Variants in PTPRZ1 observed in about 807,000 individuals in gnomAD.
PTPRZ1 encodes receptor-type tyrosine-protein phosphatase zeta.
Under a neutral mutation model 214.1 loss-of-function variants are expected in PTPRZ1, and 82 were observed. The observed-to-expected ratio is 0.38, with a 90% CI of 0.32 to 0.46. PTPRZ1 has a LOEUF of 0.46. Ranked by LOEUF, PTPRZ1 falls within the 20% of genes least tolerant of loss-of-function variation. PTPRZ1 has a pLI of 1.00. For synonymous variants in PTPRZ1, 945 were observed against 987.9 expected, an observed-to-expected ratio of 0.96 and a Z score of 0.81; for missense variants, 2,603 against 2,748.7, an observed-to-expected ratio of 0.95 and a Z score of 1.19.
intron 1 of PTPRZ1, chr7:121,908,510 T>C (rs1391844955): frequency 2.8e-6 from 1 of 358,792 alleles, no homozygotes; most frequent in Non-Finnish European, 5.3e-6. Flanking sequence ...GTTTTTTACC[T>C]AGCCTTTCTA....
At chr7:121,978,207 G>A (rs549092523) in intron 6 of PTPRZ1, among the ~76,000 whole-genome samples, 1 of 152,252 alleles carries the variant, frequency 6.6e-6, no homozygotes, top group African/African-American at 2.4e-5. Flanking sequence ...CTGAGAATAT[G>A]GATTCCCTAA....
At chr7:121,997,172 A>G (rs2116613714) in intron 9 of PTPRZ1, among the ~76,000 whole-genome samples, 1 of 152,268 alleles carries the variant, frequency 6.6e-6, no homozygotes, top group Non-Finnish European at 1.5e-5. Flanking sequence ...TGTTGGCCAT[A>G]GATTAGGGTG....
Position 121,976,192 on chromosome 7 carries a change from A to G in PTPRZ1, c.476A>G (p.Asp159Gly). 3 of 1,608,848 alleles carry G rather than the reference A, an allele frequency of 1.9e-6. No individual in the cohort carries two copies. The highest frequency in any genetic ancestry group is 1.7e-6 in the Non-Finnish European group (2 of 1,176,434). Residue 159 changes from aspartate to glycine, a missense_variant, in exon 5 of 30, where the codon GAT becomes GGT. This residue lies in a region of PTPRZ1 where 244 missense variants were observed against 333.2 expected (regional missense o/e 0.73). Transcript: ENST00000393386. ...FPLEMQIYCF[D>G]ADRFSSFEEA... is the part of the protein sequence containing the mutation. The stretch of plus-strand genomic sequence containing the variant: ...TTATAGATGCAAATCTACTGCTTTG[A>G]TGCGGACCGATTTTCAAGTTTTGAG...
At chr7:121,952,917 G>C (rs975862336) in intron 2 of PTPRZ1, among the ~76,000 whole-genome samples, 5 of 152,078 alleles carry the variant, frequency 3.3e-5, no homozygotes, top group African/African-American at 1.2e-4. Flanking sequence ...TAAGAAATGA[G>C]ATAGAAAAAA....
intron 29 of PTPRZ1, among the ~76,000 whole-genome samples, chr7:122,060,319 A>C (rs1347636083): frequency 6.6e-6 from 1 of 152,126 alleles, no homozygotes; most frequent in African/African-American, 2.4e-5. Flanking sequence ...GCTGAGTTGT[A>C]TCAAGCTTGT....
At chr7:121,976,884 A>G in intron 6 of PTPRZ1, 33 bp downstream of exon 6, 1 of 1,578,240 alleles carries the variant, frequency 6.3e-7, no homozygotes, top group Non-Finnish European at 8.7e-7. Flanking sequence ...TTTCTTCAGG[A>G]TTCTGCTTTG....
In PTPRZ1 at chr7:121,918,408, C is replaced by A. The variant is rs115940290; in HGVS notation, c.59-9748C>A. Among the ~76,000 whole-genome samples, 502 of 152,232 alleles carry A rather than the reference C, an allele frequency of 3.3e-3. 3 individuals are homozygous for A. Among genetic ancestry groups the A allele is most frequent in the African/African-American group, 0.012 (482 of 41,552 alleles). On this transcript the variant is annotated intron_variant, in intron 1 of 29. Coordinates refer to ENST00000393386, the MANE Select transcript of PTPRZ1 (RefSeq NM_002851.3). The stretch of plus-strand genomic sequence containing the variant: ...GATGATCTGTGAGTTTGTTGCGTTT[C>A]CTGTTTTGCTATGGTTCTTGTTTTT...
Position 122,012,189 on chromosome 7 carries a change from A to T in PTPRZ1, c.3143A>T (p.Tyr1048Phe). The change falls in exon 12 of 30, where the codon TAT becomes TTT. Residue 1048 changes from tyrosine (Y) to phenylalanine (F), a missense_variant. By Grantham distance (22) the Tyr-to-Phe change is conservative. Coordinates refer to ENST00000393386, the MANE Select transcript of PTPRZ1 (RefSeq NM_002851.3). The stretch of plus-strand genomic sequence containing the variant: ...GCGCTTTCTAAAAGTGAAATAATAT[A>T]TGGAAATGAGACTGAACTGCAAATT... ...NKALSKSEIIYGNETELQIPS... is the reference protein window; with the variant it reads ...NKALSKSEIIFGNETELQIPS... The T allele has an allele frequency of 6.2e-7, 1 of 1,613,958 alleles. No individual in the cohort carries two copies. Among genetic ancestry groups the T allele is most frequent in the Admixed American group, 1.7e-5 (1 of 60,018 alleles).
At chr7:122,010,299 C>A in intron 11 of PTPRZ1, 35 bp from the exon 12 acceptor site, 1 of 1,558,542 alleles carries the variant, frequency 6.4e-7, no homozygotes, top group South Asian at 1.2e-5. Flanking sequence ...CTCTTATTTC[C>A]TTATGACTCA....
chr7:122,023,851 A>ATAATTATATATATAT (rs1491332504), intron 13 of PTPRZ1, among the ~76,000 whole-genome samples: 1 of 21,120 alleles, frequency 4.7e-5, no homozygotes, highest in African/African-American at 1.4e-3. Context: ...ATATATATAT[A>ATAATTATATATATAT]AAAAAAAAAA....
At chr7:122,045,150 A>C (rs772178311) in intron 23 of PTPRZ1, among the ~76,000 whole-genome samples, 1 of 152,186 alleles carries the variant, frequency 6.6e-6, no homozygotes, top group Non-Finnish European at 1.5e-5. Flanking sequence ...TAGGCAAAGA[A>C]TTCAGAAAGC....
intron 1 of PTPRZ1, chr7:121,908,338 A>T: frequency 3.5e-6 from 1 of 289,272 alleles, no homozygotes; most frequent in Non-Finnish European, 6.7e-6. Context: ...AGCAGATTTT[A>T]TAAAATGTGT....
At chr7:121,888,946 A>G (rs1342786177) in intron 1 of PTPRZ1, among the ~76,000 whole-genome samples, 3 of 152,160 alleles carry the variant, frequency 2.0e-5, no homozygotes, top group Admixed American at 6.6e-5. Context: ...ATAAGGAATG[A>G]TTAAGGCTTC....
chr7:122,034,725 G>A (rs1799486268), intron 17 of PTPRZ1, among the ~76,000 whole-genome samples: 1 of 151,976 alleles, frequency 6.6e-6, no homozygotes, highest in Admixed American at 6.6e-5. Flanking sequence ...TTACTCTTAT[G>A]TGAATTTACC....
chr7:121,901,852 G>A (rs1390025905), intron 1 of PTPRZ1, among the ~76,000 whole-genome samples: 2 of 151,998 alleles, frequency 1.3e-5, no homozygotes, highest in Non-Finnish European at 2.9e-5. Context: ...TTCCTTTGTG[G>A]CAAAAACATT....
intron 23 of PTPRZ1, among the ~76,000 whole-genome samples, chr7:122,050,623 G>A (rs556099846): frequency 6.6e-6 from 1 of 152,178 alleles, no homozygotes; most frequent in African/African-American, 2.4e-5. Flanking sequence ...TAAAGAAACT[G>A]AAGATGTTTC....
chr7:121,927,397 C>T (rs1452496585), intron 1 of PTPRZ1, among the ~76,000 whole-genome samples: 1 of 152,204 alleles, frequency 6.6e-6, no homozygotes, highest in Non-Finnish European at 1.5e-5. Flanking sequence ...TTATTGGAAG[C>T]AGGCATGGCT....
Position 121,894,494 on chromosome 7 carries a change from C to T in PTPRZ1, c.58+20937C>T, listed in dbSNP as rs1168095045. Among the ~76,000 whole-genome samples the T allele has an allele frequency of 2.0e-5, 3 of 152,146 alleles. No homozygotes were observed. In the South Asian group the frequency reaches 6.2e-4, roughly 32 times the overall value. Reference sequence around the variant, plus strand: ...AATCTTGGCTCACCACAACCTCCACCTCCCGGGCTCAAGTGATCCTCCCAC... The same window carrying T: ...AATCTTGGCTCACCACAACCTCCACTTCCCGGGCTCAAGTGATCCTCCCAC... On this transcript the variant is annotated intron_variant, in intron 1 of 29. Coordinates refer to ENST00000393386, the MANE Select transcript of PTPRZ1 (RefSeq NM_002851.3).
intron 1 of PTPRZ1, among the ~76,000 whole-genome samples, chr7:121,877,972 GTA>G (rs910573817): frequency 1.3e-5 from 2 of 149,786 alleles, no homozygotes. Context: ...ATGTGTTTGT[GTA>G]TATATATATA....
Sources: allele counts gnomAD v4.1 joint callset (sites outside exome capture counted in the v4.1 genomes callset), GRCh38; gene constraint gnomAD v4.1.1; regional missense constraint gnomAD v4.1.1; transcripts MANE v1.5; gene names NCBI Gene and HGNC (gene_info 2026-07-23, HGNC 2026-07-21).